The following KCNIP4 variants were observed in gnomAD, a reference collection of about 807,000 sequenced individuals.
KCNIP4 encodes the protein potassium voltage-gated channel interacting protein 4.
In KCNIP4, 12 loss-of-function variants were observed where a neutral mutation model predicts 34.0. That is an observed-to-expected ratio of 0.35 (90% CI 0.23 to 0.57). KCNIP4 has a LOEUF of 0.57. Among genes scored for constraint, KCNIP4 ranks in the 20% least tolerant of loss-of-function variants. The pLI is 0.83. For synonymous variants in KCNIP4, 124 were observed against 102.2 expected (o/e 1.21, Z -1.29); for missense variants, 238 against 311.7 (o/e 0.76, Z 1.78).
intron 1 of KCNIP4, among the ~76,000 whole-genome samples, chr4:21,096,493 T>C (rs1747467691): frequency 6.6e-6 from 1 of 152,186 alleles, no homozygotes; most frequent in Non-Finnish European, 1.5e-5. Context: ...CTTCAGTTTT[T>C]TTATTCTGTT....
chr4:21,537,710 T>C (rs1438827750), intron 1 of KCNIP4, among the ~76,000 whole-genome samples: 2 of 152,018 alleles, frequency 1.3e-5, no homozygotes, highest in African/African-American at 2.4e-5. Flanking sequence ...GTCCTTATCA[T>C]CCTTACAAGA....
chr4:21,399,659 CTT>C (rs11317039), intron 1 of KCNIP4, among the ~76,000 whole-genome samples: 2,275 of 140,766 alleles, frequency 0.016, 59 homozygotes, highest in African/African-American at 0.046. Context: ...CAGTGAATAA[CTT>C]TTTTTTTTTT....
chr4:21,270,562 A>C (rs1441170089), intron 1 of KCNIP4, among the ~76,000 whole-genome samples: 2 of 152,238 alleles, frequency 1.3e-5, no homozygotes, highest in African/African-American at 4.8e-5. Flanking sequence ...CATGATAATT[A>C]TGTATGAAGA....
intron 1 of KCNIP4, among the ~76,000 whole-genome samples, chr4:21,293,666 A>G (rs1330560483): frequency 6.6e-6 from 1 of 152,240 alleles, no homozygotes; most frequent in East Asian, 1.9e-4. Flanking sequence ...ATCATGTAAG[A>G]AAAGACAAGA....
At chr4:21,789,458 C>G (rs184680517) in intron 1 of KCNIP4, among the ~76,000 whole-genome samples, 116 of 152,202 alleles carry the variant, frequency 7.6e-4, no homozygotes, top group African/African-American at 2.6e-3. Context: ...TATTCTAAGG[C>G]CAGTAGGGAA....
Position 21,500,377 on chromosome 4 carries a change from A to G in KCNIP4, c.61+448194T>C, listed in dbSNP as rs577293706. 1.8e-3 allele frequency among the ~76,000 whole-genome samples: 272 copies of G among 152,136 alleles called. 2 individuals carry two copies. The highest frequency in any genetic ancestry group is 6.3e-3 in the African/African-American group (262 of 41,534). On this transcript the variant is annotated intron_variant, in intron 1 of 8. Transcript: ENST00000382152. ...TGGGTCTTAGTTTCTGAAATTTACT[A>G]CTCATTAGCTTATTTGACCTTTAGC...
intron 1 of KCNIP4, among the ~76,000 whole-genome samples, chr4:21,469,253 C>T (rs951095278): frequency 1.3e-4 from 20 of 151,950 alleles, no homozygotes; most frequent in Non-Finnish European, 1.5e-5. Context: ...ACCATATTAC[C>T]CAGGTTTGTC....
intron 1 of KCNIP4, among the ~76,000 whole-genome samples, chr4:21,471,464 C>A (rs561349641): frequency 2.0e-4 from 31 of 152,094 alleles, no homozygotes; most frequent in Non-Finnish European, 4.1e-4. Flanking sequence ...TTATCGGAAT[C>A]TTTATCTCTG....
chr4:21,694,419 C>T (rs965886089), intron 1 of KCNIP4, among the ~76,000 whole-genome samples: 1 of 151,976 alleles, frequency 6.6e-6, no homozygotes, highest in Non-Finnish European at 1.5e-5. Context: ...ATTTGCTATA[C>T]ATAACAAATA....
intron 1 of KCNIP4, among the ~76,000 whole-genome samples, chr4:21,068,918 T>C (rs1046964442): frequency 6.6e-6 from 1 of 152,206 alleles, no homozygotes; most frequent in African/African-American, 2.4e-5. Flanking sequence ...TTATTGTATA[T>C]GAAGCTATTA....
At chr4:20,838,309 C>T (rs1189555181) in intron 3 of KCNIP4, among the ~76,000 whole-genome samples, 1 of 152,178 alleles carries the variant, frequency 6.6e-6, no homozygotes, top group East Asian at 1.9e-4. Flanking sequence ...TCAGTTCACA[C>T]TGCTCCCAGA....
At chr4:21,153,740 A>T (rs1752938647) in intron 1 of KCNIP4, among the ~76,000 whole-genome samples, 1 of 152,110 alleles carries the variant, frequency 6.6e-6, no homozygotes, top group South Asian at 2.1e-4. Context: ...TTAGAAACAC[A>T]TATTTTACCA....
intron 1 of KCNIP4, among the ~76,000 whole-genome samples, chr4:21,629,177 C>A (rs9993770): frequency 0.12 from 18,625 of 151,988 alleles, 1,282 homozygotes; most frequent in African/African-American, 0.18. Flanking sequence ...CAAAGCAGTG[C>A]AAAAGAAAAG....
chr4:21,350,499 C>T (rs1018547007), intron 1 of KCNIP4, among the ~76,000 whole-genome samples: 3 of 152,158 alleles, frequency 2.0e-5, no homozygotes, highest in African/African-American at 7.2e-5. Flanking sequence ...ACTCTTTTCT[C>T]TTTGCAGACT....
chr4:21,645,693 C>T, intron 1 of KCNIP4, among the ~76,000 whole-genome samples: 1 of 152,024 alleles, frequency 6.6e-6, no homozygotes, highest in Non-Finnish European at 1.5e-5. Flanking sequence ...GAACCAAGCC[C>T]CAAACCTATA....
intron 1 of KCNIP4, among the ~76,000 whole-genome samples, chr4:21,397,972 C>A (rs1286523969): frequency 6.6e-6 from 1 of 152,160 alleles, no homozygotes. Context: ...TGGAAGGAAA[C>A]ACAGTCACAC....
intron 1 of KCNIP4, among the ~76,000 whole-genome samples, chr4:21,577,432 C>T (rs1416156940): frequency 6.6e-6 from 1 of 152,000 alleles, no homozygotes; most frequent in Non-Finnish European, 1.5e-5. Flanking sequence ...GTGTTCGAGA[C>T]CAGCCTGGCC....
intron 1 of KCNIP4, among the ~76,000 whole-genome samples, chr4:21,124,415 G>A (rs759136411): frequency 6.6e-6 from 1 of 152,158 alleles, no homozygotes; most frequent in Non-Finnish European, 1.5e-5. Flanking sequence ...CTGTGATCTT[G>A]AGAAATTTTT....
chr4:21,381,329 C>T (rs1192660586), intron 1 of KCNIP4, among the ~76,000 whole-genome samples: 1 of 152,178 alleles, frequency 6.6e-6, no homozygotes, highest in African/African-American at 2.4e-5. Flanking sequence ...AGGGTTTTCA[C>T]AGCATTGCAG....
Sources: allele counts gnomAD v4.1 joint callset (sites outside exome capture counted in the v4.1 genomes callset), GRCh38; gene constraint gnomAD v4.1.1; transcripts MANE v1.5; gene names NCBI Gene and HGNC (gene_info 2026-07-23, HGNC 2026-07-21).